ERBB4: variants seen among roughly 807,000 people sequenced by gnomAD.
ERBB4 encodes the protein receptor tyrosine-protein kinase erbB-4.
In ERBB4, 42 loss-of-function variants were observed where a neutral mutation model predicts 158.0. The ratio of observed to expected loss-of-function variants is 0.27; its 90% confidence interval spans 0.21 to 0.34. ERBB4 has a LOEUF of 0.34. Among genes scored for constraint, ERBB4 ranks in the 10% least tolerant of loss-of-function variants. The pLI is 1.00. For synonymous variants in ERBB4, 583 were observed against 558.7 expected, an observed-to-expected ratio of 1.04 and a Z score of -0.61; for missense variants, 1,333 against 1,624.1, an observed-to-expected ratio of 0.82 and a Z score of 3.08.
At chr2:212,457,861 A>G (rs1688377592) in intron 1 of ERBB4, among the ~76,000 whole-genome samples, 1 of 152,058 alleles carries the variant, frequency 6.6e-6, no homozygotes, top group Admixed American at 6.6e-5. Flanking sequence ...ATCATTTTTA[A>G]AAATAGGATA....
rs140762292 is a variant in ERBB4, at chr2:212,193,295, AAG to A, written c.83-68394_83-68393del. Among the ~76,000 whole-genome samples the A allele has an allele frequency of 6.7e-3, 1,025 of 152,240 alleles. 13 individuals are homozygous for A. Among genetic ancestry groups the A allele is most frequent in the African/African-American group, 0.022 (923 of 41,556 alleles). ...TTTTCCATTTCAGCAGAAATTTTAA[AAG>A]GAGGTTGTCACTCTGTAGGCTCAAG... On this transcript the variant is annotated intron_variant, in intron 1 of 27. Transcript: ENST00000342788.
chr2:211,623,169 T>C (rs991398181), intron 18 of ERBB4, among the ~76,000 whole-genome samples: 1 of 150,674 alleles, frequency 6.6e-6, no homozygotes, highest in Non-Finnish European at 1.5e-5. Context: ...CAATTAATCT[T>C]GGGCCTAGCC....
At chr2:211,816,492 G>T (rs1212153954) in intron 3 of ERBB4, among the ~76,000 whole-genome samples, 1 of 121,424 alleles carries the variant, frequency 8.2e-6, no homozygotes, top group Non-Finnish European at 1.6e-5. Context: ...AGTGACCCAA[G>T]ATCATACCAC....
Position 212,072,675 on chromosome 2 carries a change from A to G in ERBB4, c.234+52077T>C, listed in dbSNP as rs528334390. Among the ~76,000 whole-genome samples the G allele has an allele frequency of 2.6e-5, 4 of 152,060 alleles. No individual in the cohort carries two copies. The East Asian group carries it at 7.8e-4, about 30-fold the overall frequency. On this transcript the variant is annotated intron_variant, in intron 2 of 27. Coordinates refer to ENST00000342788, the MANE Select transcript of ERBB4 (RefSeq NM_005235.3). ...CAATAAACTGTAGAGCTTTTAATGA[A>G]CTCCCACTGATACTCAGTTTTAGTC...
intron 1 of ERBB4, among the ~76,000 whole-genome samples, chr2:212,355,664 G>T (rs923418219): frequency 6.6e-6 from 1 of 151,816 alleles, no homozygotes; most frequent in Non-Finnish European, 1.5e-5. Context: ...AAATAAACAG[G>T]TAGTCATCTT....
chr2:211,716,540 G>C (rs1002279740), intron 7 of ERBB4, among the ~76,000 whole-genome samples: 1 of 150,718 alleles, frequency 6.6e-6, no homozygotes, highest in African/African-American at 2.4e-5. Flanking sequence ...GCCGGGCCTG[G>C]TGGCGGGCGC....
chr2:212,154,982 T>A (rs2080988791), intron 1 of ERBB4, among the ~76,000 whole-genome samples: 1 of 152,188 alleles, frequency 6.6e-6, no homozygotes, highest in African/African-American at 2.4e-5. Context: ...TGCTTCTTTG[T>A]GGACAGAGAG....
intron 4 of ERBB4, among the ~76,000 whole-genome samples, chr2:211,762,745 A>G (rs1301093617): frequency 6.6e-6 from 1 of 152,188 alleles, no homozygotes; most frequent in Non-Finnish European, 1.5e-5. Flanking sequence ...ACTGCTCTCA[A>G]AGGACATGAA....
chr2:212,287,413 T>C (rs1229214211), intron 1 of ERBB4, among the ~76,000 whole-genome samples: 1 of 152,132 alleles, frequency 6.6e-6, no homozygotes, highest in Non-Finnish European at 1.5e-5. Flanking sequence ...TCACAAACAG[T>C]AGTAGCCATA....
At chr2:212,044,851 CT>C (rs929586545) in intron 2 of ERBB4, among the ~76,000 whole-genome samples, 1 of 151,110 alleles carries the variant, frequency 6.6e-6, no homozygotes, top group Non-Finnish European at 1.5e-5. Flanking sequence ...TTCTTTCTTT[CT>C]TTTTTTTTCT....
At chr2:212,389,689 T>C (rs1042513045) in intron 1 of ERBB4, among the ~76,000 whole-genome samples, 2 of 152,064 alleles carry the variant, frequency 1.3e-5, no homozygotes, top group Non-Finnish European at 2.9e-5. Flanking sequence ...AGTACATTAA[T>C]ATTACTAAAA....
chr2:212,379,776 T>C (rs2090442549), intron 1 of ERBB4, among the ~76,000 whole-genome samples: 1 of 151,400 alleles, frequency 6.6e-6, no homozygotes, highest in South Asian at 2.1e-4. Flanking sequence ...TTCTATCATA[T>C]ATATTTTTCT....
intron 2 of ERBB4, among the ~76,000 whole-genome samples, chr2:212,111,459 A>T (rs1430068860): frequency 6.6e-6 from 1 of 152,186 alleles, no homozygotes; most frequent in East Asian, 1.9e-4. Context: ...TTCCGTTTTC[A>T]GCCTTATGTC....
chr2:211,624,092 C>CCT (rs764897481), intron 17 of ERBB4, 48 bp from the exon 18 acceptor site: 8 of 1,610,754 alleles, frequency 5.0e-6, no homozygotes, highest in Non-Finnish European at 6.8e-6. Context: ...GATAGTCAGT[C>CCT]CTCTCTCTCT....
intron 2 of ERBB4, among the ~76,000 whole-genome samples, chr2:212,036,089 C>A (rs956476503): frequency 4.6e-5 from 7 of 152,090 alleles, no homozygotes; most frequent in African/African-American, 1.7e-4. Flanking sequence ...TATGCTAAAT[C>A]TTCATATCAG....
intron 1 of ERBB4, among the ~76,000 whole-genome samples, chr2:212,475,410 T>G (rs1402961614): frequency 6.6e-6 from 1 of 152,190 alleles, no homozygotes; most frequent in Non-Finnish European, 1.5e-5. Context: ...ATCATGCCAT[T>G]AAATTTCTCA....
rs372166524 is a variant in ERBB4, at chr2:211,607,338, G to A, written c.2301+11839C>T. Among the ~76,000 whole-genome samples the A allele has an allele frequency of 2.6e-5, 4 of 152,074 alleles. No individual in the cohort carries two copies. In the East Asian group the frequency reaches 5.8e-4, roughly 22 times the overall value. On this transcript the variant is annotated intron_variant, in intron 19 of 27. Transcript: ENST00000342788. ...GTCCAATATTAGCTGACCAGTATCC[G>A]TCAAACTCCTCAGTTCAATGAGCTC...
At chr2:212,006,078 A>C (rs2076252920) in intron 2 of ERBB4, among the ~76,000 whole-genome samples, 1 of 152,142 alleles carries the variant, frequency 6.6e-6, no homozygotes, top group African/African-American at 2.4e-5. Flanking sequence ...AAACAGACTC[A>C]AGTTCTGAAA....
At chr2:212,433,029 C>T (rs1216270912) in intron 1 of ERBB4, among the ~76,000 whole-genome samples, 2 of 151,984 alleles carry the variant, frequency 1.3e-5, no homozygotes, top group African/African-American at 4.8e-5. Flanking sequence ...ATATGTACCC[C>T]TTCATATGTC....
Sources: gnomAD v4.1 joint callset for allele counts (sites outside exome capture counted in the v4.1 genomes callset) on GRCh38, gnomAD v4.1.1 for gene constraint, MANE v1.5 for transcripts, NCBI Gene and HGNC (gene_info 2026-07-23, HGNC 2026-07-21) for gene names.